The following DPP10 variants were observed in gnomAD, a reference collection of about 807,000 sequenced individuals.
DPP10 encodes inactive dipeptidyl peptidase 10.
DPP10 carries 33 observed loss-of-function variants against 120.9 expected under a neutral mutation model. That is an observed-to-expected ratio of 0.27 (90% confidence interval 0.21 to 0.37). The LOEUF (loss-of-function observed/expected upper bound fraction) is 0.37. Ranked by LOEUF, DPP10 falls within the 10% of genes least tolerant of loss-of-function variation. The pLI, the probability that DPP10 is intolerant of heterozygous loss-of-function variation, is 1.00. For missense variants in DPP10, 816 were observed against 942.8 expected (o/e 0.87, Z 1.76); for synonymous variants, 337 against 326.1 (o/e 1.03, Z -0.36).
intron 1 of DPP10, among the ~76,000 whole-genome samples, chr2:115,107,133 A>T (rs554111452): frequency 5.3e-4 from 81 of 151,952 alleles, no homozygotes; most frequent in African/African-American, 1.9e-3. Context: ...ATTAATGATG[A>T]TCATCATAAC....
intron 5 of DPP10, among the ~76,000 whole-genome samples, chr2:115,679,902 A>G (rs1432140521): frequency 4.0e-5 from 6 of 150,084 alleles, no homozygotes; most frequent in Non-Finnish European, 1.5e-5. Flanking sequence ...ATAGCTAGAA[A>G]AAAGAAGGAG....
At chr2:115,032,952 G>T (rs1034492862) in intron 1 of DPP10, among the ~76,000 whole-genome samples, 2 of 151,484 alleles carry the variant, frequency 1.3e-5, no homozygotes, top group African/African-American at 2.4e-5. Context: ...CTTTATAAAC[G>T]TTTTTTATCC....
chr2:114,648,359 G>A (rs1414217156), intron 1 of DPP10, among the ~76,000 whole-genome samples: 1 of 152,170 alleles, frequency 6.6e-6, no homozygotes, highest in African/African-American at 2.4e-5. Context: ...ACCCTTCACA[G>A]TTCTTGACAC....
intron 1 of DPP10, among the ~76,000 whole-genome samples, chr2:114,558,947 T>C (rs1361410999): frequency 6.6e-6 from 1 of 152,188 alleles, no homozygotes; most frequent in Non-Finnish European, 1.5e-5. Context: ...CATCTCCATG[T>C]CCAAGTATAT....
chr2:115,123,670 AATT>A (rs2049934134), intron 1 of DPP10, among the ~76,000 whole-genome samples: 1 of 152,074 alleles, frequency 6.6e-6, no homozygotes, highest in Non-Finnish European at 1.5e-5. Context: ...AGCTGAGACC[AATT>A]ATTATTTTAG....
intron 13 of DPP10, among the ~76,000 whole-genome samples, chr2:115,775,864 A>T (rs1167633515): frequency 1.3e-5 from 2 of 152,180 alleles, no homozygotes; most frequent in African/African-American, 4.8e-5. Flanking sequence ...AATATGTAAG[A>T]TAATTAACTG....
chr2:115,236,282 A>G lies in DPP10; in HGVS notation c.61-72957A>G, dbSNP rs114210669. On this transcript the variant is annotated intron_variant, in intron 1 of 25. Coordinates refer to ENST00000410059, the MANE Select transcript of DPP10 (RefSeq NM_020868.6). The stretch of plus-strand genomic sequence containing the variant: ...GTCACGTTGGTGAAGATTTTAACCC[A>G]TCTTTCAGAATATACCATGGACATA... Among the ~76,000 whole-genome samples, 728 of 152,322 alleles carry G rather than the reference A, an allele frequency of 4.8e-3. 5 individuals carry two copies. Among genetic ancestry groups the G allele is most frequent in the African/African-American group, 0.016 (664 of 41,584 alleles).
intron 1 of DPP10, among the ~76,000 whole-genome samples, chr2:115,095,585 G>GTTTTTTTTTTT (rs201649163): frequency 2.3e-5 from 2 of 86,226 alleles, no homozygotes; most frequent in Non-Finnish European, 4.9e-5. Context: ...TTTTTTTTTT[G>GTTTTTTTTTTT]TTTTTTTTTT....
At chr2:115,240,703 A>G (rs2058231712) in intron 1 of DPP10, among the ~76,000 whole-genome samples, 2 of 152,168 alleles carry the variant, frequency 1.3e-5, no homozygotes, top group Non-Finnish European at 2.9e-5. Flanking sequence ...TATTTGCTTT[A>G]TTGGGGTGAT....
At chr2:115,761,938 G>A (rs1018784673) in intron 11 of DPP10, among the ~76,000 whole-genome samples, 7 of 151,930 alleles carry the variant, frequency 4.6e-5, no homozygotes, top group Admixed American at 1.3e-4. Flanking sequence ...ACATGTAAAC[G>A]GTATTATTAA....
intron 19 of DPP10, among the ~76,000 whole-genome samples, chr2:115,813,654 T>C (rs1165993371): frequency 1.3e-5 from 2 of 152,258 alleles, no homozygotes; most frequent in Non-Finnish European, 2.9e-5. Context: ...CTCTACTTAC[T>C]TCTTTATGTC....
intron 3 of DPP10, among the ~76,000 whole-genome samples, chr2:115,463,456 T>C (rs954467464): frequency 6.6e-6 from 1 of 152,216 alleles, no homozygotes; most frequent in Non-Finnish European, 1.5e-5. Context: ...GTTTTTAGGA[T>C]GGAAGGAAGC....
intron 1 of DPP10, among the ~76,000 whole-genome samples, chr2:115,240,646 T>A (rs987927460): frequency 5.3e-5 from 8 of 152,198 alleles, no homozygotes; most frequent in African/African-American, 1.9e-4. Flanking sequence ...GCATGACTTT[T>A]AAACGCACTA....
At chr2:114,469,759 T>C (rs1679748557) in intron 1 of DPP10, among the ~76,000 whole-genome samples, 1 of 152,024 alleles carries the variant, frequency 6.6e-6, no homozygotes, top group Admixed American at 6.6e-5. Context: ...TATATGTATA[T>C]TGAATGGCCA....
chr2:114,751,675 A>G (rs543978365), intron 1 of DPP10, among the ~76,000 whole-genome samples: 1 of 152,304 alleles, frequency 6.6e-6, no homozygotes, highest in South Asian at 2.1e-4. Flanking sequence ...GAGCATATAG[A>G]AACAGGTGCT....
intron 1 of DPP10, among the ~76,000 whole-genome samples, chr2:115,178,501 G>A (rs1359797977): frequency 6.6e-6 from 1 of 152,188 alleles, no homozygotes; most frequent in East Asian, 1.9e-4. Flanking sequence ...GTCATCTGTG[G>A]AGGAGAGTGG....
At chr2:115,556,809 C>T (rs942272990) in intron 5 of DPP10, among the ~76,000 whole-genome samples, 8 of 152,204 alleles carry the variant, frequency 5.3e-5, no homozygotes, top group Admixed American at 2.0e-4. Context: ...TATCTGAAAA[C>T]GGCCAAAAAC....
chr2:115,592,784 A>G (rs1200688239), intron 5 of DPP10, among the ~76,000 whole-genome samples: 5 of 151,834 alleles, frequency 3.3e-5, no homozygotes, highest in Non-Finnish European at 7.4e-5. Flanking sequence ...AAGAAAAAAG[A>G]AAGAAAGGAA....
chr2:114,459,219 C>A (rs940171866), intron 1 of DPP10, among the ~76,000 whole-genome samples: 1 of 152,188 alleles, frequency 6.6e-6, no homozygotes, highest in Non-Finnish European at 1.5e-5. Context: ...GTTGCTGTGA[C>A]CTTCTTCTCT....
Sources: allele counts gnomAD v4.1 joint callset (sites outside exome capture counted in the v4.1 genomes callset), GRCh38; gene constraint gnomAD v4.1.1; transcripts MANE v1.5; gene names NCBI Gene and HGNC (gene_info 2026-07-23, HGNC 2026-07-21).